Variants in GTF2I observed in about 807,000 individuals in gnomAD.
GTF2I encodes general transcription factor II-I.
Under a neutral mutation model 67.6 loss-of-function variants are expected in GTF2I, and 12 were observed. The observed-to-expected ratio is 0.18, with a 90% CI of 0.11 to 0.29. The LOEUF is 0.29. GTF2I is among the 10% of genes least tolerant of loss of function. The pLI is 1.00. For missense variants in GTF2I, 271 were observed against 580.1 expected (o/e 0.47, Z 5.47); for synonymous variants, 149 against 197.0 (o/e 0.76, Z 2.04).
intron 1 of GTF2I, among the ~76,000 whole-genome samples, chr7:74,685,416 G>T (rs1181600538): frequency 6.6e-6 from 1 of 152,186 alleles, no homozygotes; most frequent in Non-Finnish European, 1.5e-5. Context: ...AGAATCGCTT[G>T]AACCCGGGAG....
chr7:74,714,776 AC>A (rs1253924361), intron 9 of GTF2I, 80 bp from the exon 10 acceptor site: 17 of 798,176 alleles, frequency 2.1e-5, no homozygotes, highest in African/African-American at 5.4e-5. Flanking sequence ...CATGTATCTC[AC>A]CCAAATTTGT....
intron 1 of GTF2I, 34 bp from the exon 2 acceptor site, chr7:74,689,090 T>C (rs1554396153): frequency 7.8e-7 from 1 of 1,282,116 alleles, no homozygotes; most frequent in African/African-American, 1.5e-5. Flanking sequence ...ACCAGATTTC[T>C]ACCACTCACT....
chr7:74,682,112 A>G (rs1554394306), intron 1 of GTF2I, among the ~76,000 whole-genome samples: 1 of 152,190 alleles, frequency 6.6e-6, no homozygotes, highest in African/African-American at 2.4e-5. Context: ...TAACCTTTAG[A>G]CTTAATTAAT....
chr7:74,732,159 AC>A (rs1200647431), intron 14 of GTF2I, among the ~76,000 whole-genome samples: 1 of 148,614 alleles, frequency 6.7e-6, no homozygotes, highest in Non-Finnish European at 1.5e-5. Context: ...ATATATATAT[AC>A]ATAAACACAT....
chr7:74,672,715 T>C (rs1805566873), intron 1 of GTF2I, among the ~76,000 whole-genome samples: 1 of 151,966 alleles, frequency 6.6e-6, no homozygotes, highest in Non-Finnish European at 1.5e-5. Flanking sequence ...TAGTGTAGTC[T>C]CTGGAGAACT....
Position 74,753,931 on chromosome 7 carries a change from GC to G in GTF2I, c.2732del (p.Pro911ArgfsTer16). The G allele has an allele frequency of 6.5e-6, 2 of 308,500 alleles. No homozygotes were observed. Among genetic ancestry groups the G allele is most frequent in the Non-Finnish European group, 8.7e-6 (2 of 229,490 alleles). 19.1% of individuals were successfully genotyped at this position (308,500 alleles called of 1,614,324 possible). On this transcript the variant is annotated frameshift_variant, in exon 30 of 35. Transcript: ENST00000573035. LOFTEE classifies it high-confidence loss of function. ...CTGGCTGTGTGGTAGTTGATGGCAT[GC>G]CCCCGGGGGTGTCCTTCAAAGCCCC... ...NPGCVVVDGM[P>X]PGVSFKAPSY...
chr7:74,676,637 A>G (rs1318968153), intron 1 of GTF2I, among the ~76,000 whole-genome samples: 1 of 152,246 alleles, frequency 6.6e-6, no homozygotes, highest in African/African-American at 2.4e-5. Context: ...TGTGTTTACA[A>G]TCTGAACTGA....
intron 9 of GTF2I, among the ~76,000 whole-genome samples, chr7:74,712,827 A>G (rs1429768883): frequency 2.0e-5 from 3 of 151,936 alleles, no homozygotes; most frequent in South Asian, 2.1e-4. Context: ...TCATGTCATC[A>G]TGGTAGTTAC....
intron 1 of GTF2I, chr7:74,688,840 CTT>C (rs1554396095): frequency 2.8e-6 from 1 of 351,398 alleles, no homozygotes; most frequent in African/African-American, 2.1e-5. Context: ...TCGTCTTGTT[CTT>C]ACTTGGGAGA....
chr7:74,674,629 C>A (rs1805736640), intron 1 of GTF2I, among the ~76,000 whole-genome samples: 2 of 152,102 alleles, frequency 1.3e-5, no homozygotes, highest in African/African-American at 4.8e-5. Flanking sequence ...ACCTCTGCCT[C>A]CCGGTTTCAA....
At chr7:74,704,621 G>T (rs1188627112) in intron 6 of GTF2I, among the ~76,000 whole-genome samples, 1 of 152,012 alleles carries the variant, frequency 6.6e-6, no homozygotes, top group Non-Finnish European at 1.5e-5. Flanking sequence ...AGACCAGAGT[G>T]GGAGTCTCCC....
chr7:74,698,937 T>C, intron 3 of GTF2I, 24 bp from the exon 4 acceptor site: 1 of 1,155,220 alleles, frequency 8.7e-7, no homozygotes, highest in South Asian at 2.3e-5. Flanking sequence ...TATTTTTTTA[T>C]TTTATTTTTT....
chr7:74,750,277 CAAAAAA>C (rs1226879909), intron 26 of GTF2I, among the ~76,000 whole-genome samples: 2 of 91,204 alleles, frequency 2.2e-5, no homozygotes, highest in Non-Finnish European at 5.2e-5. Context: ...ACTTAAAATA[CAAAAAA>C]AAAAAAAAAA....
intron 2 of GTF2I, among the ~76,000 whole-genome samples, chr7:74,689,649 A>C (rs1475948898): frequency 6.6e-6 from 1 of 151,668 alleles, no homozygotes; most frequent in Non-Finnish European, 1.5e-5. Context: ...CCACTGCCCC[A>C]ACCAATGAGT....
intron 1 of GTF2I, among the ~76,000 whole-genome samples, chr7:74,667,672 C>T (rs992445938): frequency 6.6e-6 from 1 of 151,634 alleles, no homozygotes; most frequent in Non-Finnish European, 1.5e-5. Flanking sequence ...CATGCCACCA[C>T]GTCTGGCTTG....
chr7:74,712,217 C>G (rs1412219364), intron 9 of GTF2I, among the ~76,000 whole-genome samples: 4 of 152,254 alleles, frequency 2.6e-5, no homozygotes, highest in African/African-American at 9.6e-5. Context: ...TCCCAAAGTA[C>G]TGGGATTACA....
At position 74,705,216 on chromosome 7, in the gene GTF2I, A is replaced by G; in HGVS notation, c.639A>G (p.Gly213=). Residue 213 remains glycine (G), a splice_region_variant and synonymous_variant, in exon 7 of 35, where the codon GGA becomes GGG. Coordinates refer to ENST00000573035, the MANE Select transcript of GTF2I (RefSeq NM_032999.4). ...DADRSILSPG[G]SCGPIKVKTE... ...ACAGGTCAATACTATCTCCAGGTGG[A>G]AGGTAAAACCTAATTTCATTACTGC... 3 of 1,584,544 alleles carry G rather than the reference A, an allele frequency of 1.9e-6. No homozygotes were observed. In the East Asian group the frequency reaches 6.7e-5, roughly 35 times the overall value.
At chr7:74,668,316 G>A (rs978826110) in intron 1 of GTF2I, among the ~76,000 whole-genome samples, 2 of 132,874 alleles carry the variant, frequency 1.5e-5, no homozygotes, top group Admixed American at 8.5e-5. Context: ...TTGTTTTGTA[G>A]CATGGCAAAG....
At chr7:74,709,822 G>A (rs1554402187) in intron 8 of GTF2I, among the ~76,000 whole-genome samples, 1 of 151,440 alleles carries the variant, frequency 6.6e-6, no homozygotes, top group Non-Finnish European at 1.5e-5. Context: ...ACAGGTGCGT[G>A]CCACCACTCC....
Sources: allele counts gnomAD v4.1 joint callset (sites outside exome capture counted in the v4.1 genomes callset), GRCh38; gene constraint gnomAD v4.1.1; transcripts MANE v1.5; gene names NCBI Gene and HGNC (gene_info 2026-07-23, HGNC 2026-07-21).